The following DPY19L3 variants were observed in gnomAD, a reference collection of about 807,000 sequenced individuals.
DPY19L3 encodes the protein dpy-19 like C-mannosyltransferase 3.
Under a neutral mutation model 92.3 loss-of-function variants are expected in DPY19L3, and 51 were observed. That is an observed-to-expected ratio of 0.55 (90% CI 0.44 to 0.70). The LOEUF is 0.70. Among genes scored for constraint, DPY19L3 ranks in the 30% least tolerant of loss-of-function variants. The probability of loss-of-function intolerance (pLI) is 0.00; values close to 1 mark genes in which losing one functional copy is unlikely to be tolerated. For synonymous variants in DPY19L3, 309 were observed against 315.2 expected (o/e 0.98, Z 0.21); for missense variants, 706 against 855.9 (o/e 0.82, Z 2.18).
At chr19:32,449,277 C>T (rs1385702238) in intron 8 of DPY19L3, among the ~76,000 whole-genome samples, 8 of 152,148 alleles carry the variant, frequency 5.3e-5, no homozygotes, top group African/African-American at 1.9e-4. Context: ...AAGTTTTAAA[C>T]GCCTAGATTG....
chr19:32,432,903 AG>A (rs1204721646), intron 4 of DPY19L3, 97 bp downstream of exon 4: 45 of 932,354 alleles, frequency 4.8e-5, no homozygotes, highest in Non-Finnish European at 6.6e-5. Flanking sequence ...AATGCTCTCT[AG>A]AACATGTGTA....
At chr19:32,460,950 CTGCCT>C (rs1259273855) in intron 12 of DPY19L3, among the ~76,000 whole-genome samples, 2 of 152,174 alleles carry the variant, frequency 1.3e-5, no homozygotes, top group Non-Finnish European at 2.9e-5. Flanking sequence ...ACTGCAACCT[CTGCCT>C]TCCGGGTTCA....
intron 15 of DPY19L3, chr19:32,467,671 A>G (rs1444264453): frequency 1.0e-6 from 1 of 987,410 alleles, no homozygotes; most frequent in Non-Finnish European, 1.2e-6. Flanking sequence ...AAAGTATTAT[A>G]TTTTCTACGT....
intron 8 of DPY19L3, among the ~76,000 whole-genome samples, chr19:32,446,233 C>T (rs1461692750): frequency 1.3e-5 from 2 of 151,532 alleles, no homozygotes; most frequent in Non-Finnish European, 2.9e-5. Flanking sequence ...AAAAACTATA[C>T]GAAGCAGTAC....
intron 16 of DPY19L3, among the ~76,000 whole-genome samples, chr19:32,472,807 C>T (rs1052112429): frequency 6.6e-5 from 10 of 152,114 alleles, no homozygotes; most frequent in African/African-American, 2.4e-4. Flanking sequence ...GAGATTTTCA[C>T]TGGAAATAGT....
intron 3 of DPY19L3, among the ~76,000 whole-genome samples, chr19:32,414,894 C>T (rs1968327387): frequency 6.6e-6 from 1 of 152,222 alleles, no homozygotes; most frequent in Non-Finnish European, 1.5e-5. Flanking sequence ...TCTTTACTTT[C>T]ACTGGGTTAA....
At chr19:32,481,794 C>A in intron 18 of DPY19L3, 1 of 294,462 alleles carries the variant, frequency 3.4e-6, no homozygotes. Context: ...ATGAGAGAGA[C>A]AGTATAGTAT....
At chr19:32,442,743 T>C (rs995594332) in intron 8 of DPY19L3, among the ~76,000 whole-genome samples, 1 of 152,142 alleles carries the variant, frequency 6.6e-6, no homozygotes, top group African/African-American at 2.4e-5. Context: ...CAGAAAACTT[T>C]CAAACATTAA....
chr19:32,441,342 AT>A (rs1288067976), intron 8 of DPY19L3, among the ~76,000 whole-genome samples: 2 of 152,054 alleles, frequency 1.3e-5, no homozygotes, highest in African/African-American at 4.8e-5. Context: ...GTTCCCCCAT[AT>A]TTTTTTGAAA....
Position 32,413,444 on chromosome 19 carries a change from C to CTT in DPY19L3, c.237+2082_237+2083dup, listed in dbSNP as rs66733163. ...ATCATAGTACCAAAGAAGAATAATT[C>CTT]TTTTTTTTTTTAATTATTATTATAC... On this transcript the variant is annotated intron_variant, in intron 3 of 18. Transcript: ENST00000392250. Among the ~76,000 whole-genome samples the CTT allele has an allele frequency of 3.3e-3, 484 of 148,834 alleles. 7 individuals are homozygous for CTT. The highest frequency in any genetic ancestry group is 0.018 in the Admixed American group (270 of 14,870).
At chr19:32,466,162 G>T (rs1970193535) in intron 15 of DPY19L3, among the ~76,000 whole-genome samples, 1 of 152,152 alleles carries the variant, frequency 6.6e-6, no homozygotes, top group African/African-American at 2.4e-5. Context: ...GAGGACTGAG[G>T]TGTTTTGTTC....
intron 10 of DPY19L3, 145 bp downstream of exon 10, chr19:32,455,185 C>T (rs771526315): frequency 3.2e-5 from 18 of 562,312 alleles, no homozygotes; most frequent in Non-Finnish European, 5.1e-5. Flanking sequence ...GCCTTGAACA[C>T]CTGGTCTCAG....
chr19:32,411,520 T>C lies in DPY19L3; in HGVS notation c.237+148T>C, dbSNP rs147382449. ...ACTATAGAGTGAAATAACTTTTGTGTTTATTATTTTAAAATAACATATTAG... is the reference window on the plus strand; with the variant it reads ...ACTATAGAGTGAAATAACTTTTGTGCTTATTATTTTAAAATAACATATTAG... On this transcript the variant is annotated intron_variant, in intron 3 of 18. Transcript: ENST00000392250. 21 of 604,530 alleles carry C rather than the reference T, an allele frequency of 3.5e-5. No homozygotes were observed. In the African/African-American group the frequency reaches 3.8e-4, roughly 11 times the overall value. 37.4% of individuals were successfully genotyped at this position (604,530 alleles called of 1,614,324 possible). A position where few individuals can be genotyped will look rare whatever the true frequency, so the allele number is the denominator to read the frequency against.
At chr19:32,447,724 G>C (rs916610237) in intron 8 of DPY19L3, among the ~76,000 whole-genome samples, 4 of 28,396 alleles carry the variant, frequency 1.4e-4, no homozygotes, top group Non-Finnish European at 2.8e-4. Context: ...CTCATTCATA[G>C]ATAGATAGAT....
chr19:32,413,734 C>T (rs747390284), intron 3 of DPY19L3, among the ~76,000 whole-genome samples: 2 of 151,518 alleles, frequency 1.3e-5, no homozygotes, highest in Admixed American at 1.3e-4. Flanking sequence ...TTGGGAGGAG[C>T]GGGGGCGGGC....
rs142484121 is a variant in DPY19L3 at position 32,429,675 on chromosome 19, C to T, written c.238-3041C>T. On this transcript the variant is annotated intron_variant, in intron 3 of 18. Coordinates refer to ENST00000392250, the MANE Select transcript of DPY19L3 (RefSeq NM_001172774.2). ...AATTCACTCTTTCATTCTTTATTGGCTCTCCAGTTTGATTTGGGATGTAGG... is the reference window on the plus strand; with the variant it reads ...AATTCACTCTTTCATTCTTTATTGGTTCTCCAGTTTGATTTGGGATGTAGG... Among the ~76,000 whole-genome samples, 5 of 152,300 alleles carry T rather than the reference C, an allele frequency of 3.3e-5. No homozygotes were observed. The East Asian group carries it at 5.8e-4, about 18-fold the overall frequency.
chr19:32,407,256 G>C (rs1967993549), intron 1 of DPY19L3, among the ~76,000 whole-genome samples: 1 of 91,898 alleles, frequency 1.1e-5, no homozygotes, highest in African/African-American at 4.0e-5. Context: ...GCCAAACCAG[G>C]CTCCTGCTCC....
chr19:32,413,648 A>G (rs1264184506), intron 3 of DPY19L3, among the ~76,000 whole-genome samples: 1 of 145,992 alleles, frequency 6.8e-6, no homozygotes, highest in African/African-American at 2.5e-5. Flanking sequence ...CCCTCAAAGA[A>G]GAATAATACT....
At chr19:32,407,708 C>T (rs1599575891) in intron 1 of DPY19L3, among the ~76,000 whole-genome samples, 1 of 152,176 alleles carries the variant, frequency 6.6e-6, no homozygotes, top group East Asian at 1.9e-4. Context: ...CTGTAGAGCA[C>T]ATGCTTCATG....
Sources: gnomAD v4.1 joint callset for allele counts (sites outside exome capture counted in the v4.1 genomes callset) on GRCh38, gnomAD v4.1.1 for gene constraint, MANE v1.5 for transcripts, NCBI Gene and HGNC (gene_info 2026-07-23, HGNC 2026-07-21) for gene names.